CABIN1: variants seen among roughly 807,000 people sequenced by gnomAD.
CABIN1 encodes the protein calcineurin-binding protein cabin-1.
CABIN1 carries 133 observed loss-of-function variants against 227.7 expected under a neutral mutation model. That is an observed-to-expected ratio of 0.58 (90% CI 0.51 to 0.67). The LOEUF is 0.67. Ranked by LOEUF, CABIN1 falls within the 30% of genes least tolerant of loss-of-function variation. The pLI is 0.00. For synonymous variants in CABIN1, 1,086 were observed against 1,155.1 expected (o/e 0.94, Z 1.21); for missense variants, 2,408 against 2,852.5 (o/e 0.84, Z 3.55).
Position 24,112,251 on chromosome 22 carries a change from T to G in CABIN1, c.4118-1315T>G, listed in dbSNP as rs551880737. Among the ~76,000 whole-genome samples, 5 of 152,350 alleles carry G rather than the reference T, an allele frequency of 3.3e-5. No homozygotes were observed. In the South Asian group the frequency reaches 1.0e-3, roughly 32 times the overall value. On this transcript the variant is annotated intron_variant, in intron 26 of 36. Transcript: ENST00000263119. ...GTAATATTTATGCCTGGAATAGGCT[T>G]CCCTCTTTTGTTTCTAGGCTTTTAG...
In CABIN1 at chr22:24,178,251, C is replaced by A; in HGVS notation, c.*55C>A. 1 of 1,605,276 alleles carries A rather than the reference C, an allele frequency of 6.2e-7. No individual in the cohort carries two copies. The highest frequency in any genetic ancestry group is 8.5e-7 in the Non-Finnish European group (1 of 1,176,136). On this transcript the variant is annotated 3_prime_UTR_variant, in exon 37 of 37. Transcript: ENST00000263119. ...CAGGGGACCAGCCAGGCCTGGAATG[C>A]CCCCTGGGCAGGACCCTGGGCAGGA...
At chr22:24,012,490 G>A (rs1301432965) in intron 1 of CABIN1, among the ~76,000 whole-genome samples, 1 of 152,102 alleles carries the variant, frequency 6.6e-6, no homozygotes, top group Non-Finnish European at 1.5e-5. Context: ...CACAGCCAGG[G>A]CACTGCCACC....
At chr22:24,165,383 G>A in intron 30 of CABIN1, 147 bp from the exon 31 acceptor site, 3 of 766,180 alleles carry the variant, frequency 3.9e-6, no homozygotes, top group Non-Finnish European at 4.5e-6. Flanking sequence ...AGCTTCTAGG[G>A]GAGCAGCCCC....
At chr22:24,134,524 G>A (rs1023895787) in intron 29 of CABIN1, 109 bp downstream of exon 29, 27 of 852,326 alleles carry the variant, frequency 3.2e-5, no homozygotes, top group African/African-American at 2.3e-4. Flanking sequence ...TCAAGTTTGC[G>A]GCATCCTCAG....
intron 33 of CABIN1, among the ~76,000 whole-genome samples, chr22:24,168,916 G>A (rs1456515141): frequency 2.6e-5 from 4 of 152,122 alleles, no homozygotes; most frequent in African/African-American, 4.8e-5. Context: ...ACTGCCCCCC[G>A]CCCCACCGCC....
intron 34 of CABIN1, 115 bp downstream of exon 34, chr22:24,172,110 G>C: frequency 7.7e-7 from 1 of 1,296,650 alleles, no homozygotes; most frequent in Non-Finnish European, 1.1e-6. Flanking sequence ...CCGCCCAGTC[G>C]ATCCCACAGG....
intron 24 of CABIN1, chr22:24,092,097 C>T: frequency 1.8e-6 from 1 of 562,008 alleles, no homozygotes; most frequent in East Asian, 3.1e-5. Context: ...TCCTCACTAA[C>T]ACAGGTTCTA....
At chr22:24,155,899 T>C (rs963097396) in intron 29 of CABIN1, 12 of 460,426 alleles carry the variant, frequency 2.6e-5, no homozygotes, top group South Asian at 1.3e-4. Context: ...CCGGAGAGGA[T>C]TGGCCGGCAA....
At chr22:24,161,232 A>G (rs1047725138) in intron 29 of CABIN1, among the ~76,000 whole-genome samples, 1 of 152,166 alleles carries the variant, frequency 6.6e-6, no homozygotes, top group South Asian at 2.1e-4. Flanking sequence ...GATGCTTGGC[A>G]TGGAGGGGAA....
chr22:24,169,667 C>G (rs2148733930), intron 33 of CABIN1, among the ~76,000 whole-genome samples: 1 of 152,280 alleles, frequency 6.6e-6, no homozygotes, highest in Non-Finnish European at 1.5e-5. Context: ...CAGGCCCAGG[C>G]CCAGGTCCAC....
Position 24,059,382 on chromosome 22 carries a change from G to T in CABIN1, c.1399+19G>T. The stretch of plus-strand genomic sequence containing the variant: ...GAATCTGGTAGGAATCGAGCAGTGT[G>T]ACCATTCACTTTGGGAATTCTTCTT... On this transcript the variant is annotated intron_variant, in intron 11 of 36. Coordinates refer to ENST00000263119, the MANE Select transcript of CABIN1 (RefSeq NM_012295.4). 1 of 1,613,820 alleles carries T rather than the reference G, an allele frequency of 6.2e-7. No individual in the cohort carries two copies. Among genetic ancestry groups the T allele is most frequent in the Non-Finnish European group, 8.5e-7 (1 of 1,179,810 alleles).
At chr22:24,043,523 A>G (rs2037605327) in intron 6 of CABIN1, among the ~76,000 whole-genome samples, 1 of 152,068 alleles carries the variant, frequency 6.6e-6, no homozygotes, top group South Asian at 2.1e-4. Context: ...GGGCCAAGGC[A>G]GGCAGATCAC....
chr22:24,152,819 G>A (rs145356280), intron 29 of CABIN1, among the ~76,000 whole-genome samples: 1,535 of 152,182 alleles, frequency 0.01, 29 homozygotes, highest in African/African-American at 0.033. Flanking sequence ...GCGTGGTGGT[G>A]TGTGCCTGTA....
At chr22:24,065,391 C>T (rs1377766555) in intron 15 of CABIN1, among the ~76,000 whole-genome samples, 8,234 of 151,218 alleles carry the variant, frequency 0.054, 285 homozygotes, top group East Asian at 0.15. Flanking sequence ...CAGAGACACT[C>T]CTCACATCCC....
intron 10 of CABIN1, among the ~76,000 whole-genome samples, chr22:24,056,739 C>T (rs2038825782): frequency 6.6e-6 from 1 of 152,156 alleles, no homozygotes; most frequent in Non-Finnish European, 1.5e-5. Context: ...TCAGGGAGTC[C>T]GTGTCTACTT....
At chr22:24,141,282 C>G (rs2044742644) in intron 29 of CABIN1, among the ~76,000 whole-genome samples, 1 of 152,202 alleles carries the variant, frequency 6.6e-6, no homozygotes, top group Non-Finnish European at 1.5e-5. Context: ...TCTGTGAGGC[C>G]TGGCCCAGTC....
Position 24,064,202 on chromosome 22 carries a change from T to C in CABIN1, c.2037+15T>C, listed in dbSNP as rs1251739674. 6.2e-7 allele frequency: 1 copy of C among 1,614,110 alleles called. No individual in the cohort carries two copies. ...CCCTGGAGGAGGTAAGTGAGAATTT[T>C]CGTTTGTTTGTTTGTTTCCTGAGAT... On this transcript the variant is annotated intron_variant, in intron 15 of 36. Coordinates refer to ENST00000263119, the MANE Select transcript of CABIN1 (RefSeq NM_012295.4).
chr22:24,045,857 A>C (rs1049093314), intron 6 of CABIN1, among the ~76,000 whole-genome samples: 1 of 152,152 alleles, frequency 6.6e-6, no homozygotes, highest in Non-Finnish European at 1.5e-5. Context: ...CAACCTTCTC[A>C]CCTCCAGTTC....
chr22:24,028,398 C>T (rs2036253389), intron 1 of CABIN1, among the ~76,000 whole-genome samples: 1 of 152,208 alleles, frequency 6.6e-6, no homozygotes, highest in African/African-American at 2.4e-5. Flanking sequence ...GGGAGTGCTA[C>T]AGTCCATGGT....
Sources: allele counts gnomAD v4.1 joint callset (sites outside exome capture counted in the v4.1 genomes callset), GRCh38; gene constraint gnomAD v4.1.1; transcripts MANE v1.5; gene names NCBI Gene and HGNC (gene_info 2026-07-23, HGNC 2026-07-21).